IMMP2L: variants seen among roughly 807,000 people sequenced by gnomAD.
The protein encoded by IMMP2L is inner mitochondrial membrane peptidase subunit 2.
In IMMP2L, 18 loss-of-function variants were observed where a neutral mutation model predicts 19.3. That is an observed-to-expected ratio of 0.93 (90% CI 0.64 to 1.38). The LOEUF is 1.38. Among genes scored for constraint, IMMP2L ranks in the 40% most tolerant of loss-of-function variants. The pLI, the probability that IMMP2L is intolerant of heterozygous loss-of-function variation, is 0.00. For synonymous variants in IMMP2L, 76 were observed against 73.0 expected (o/e 1.04, Z -0.21); for missense variants, 233 against 218.2 (o/e 1.07, Z -0.43).
chr7:111,526,776 A>C (rs552779204), intron 1 of IMMP2L, among the ~76,000 whole-genome samples: 49 of 152,286 alleles, frequency 3.2e-4, no homozygotes, highest in Non-Finnish European at 6.8e-4. Flanking sequence ...CACAGAATGG[A>C]AACATGTCTT....
intron 5 of IMMP2L, among the ~76,000 whole-genome samples, chr7:110,763,082 G>C (rs184619516): frequency 1.1e-3 from 173 of 152,236 alleles, no homozygotes; most frequent in African/African-American, 3.9e-3. Flanking sequence ...CAGCAAAGGA[G>C]GAGGAGGAGG....
At chr7:111,301,880 T>C (rs954763199) in intron 3 of IMMP2L, among the ~76,000 whole-genome samples, 1 of 132,372 alleles carries the variant, frequency 7.6e-6, no homozygotes, top group Non-Finnish European at 1.5e-5. Context: ...CTTATCAAAA[T>C]GGTTTTTAAA....
chr7:110,698,782 C>T (rs1794058897), intron 5 of IMMP2L, among the ~76,000 whole-genome samples: 1 of 152,312 alleles, frequency 6.6e-6, no homozygotes, highest in Non-Finnish European at 1.5e-5. Context: ...ATCTTTCCAC[C>T]ACATCATTTG....
intron 5 of IMMP2L, among the ~76,000 whole-genome samples, chr7:110,725,997 G>T (rs925483053): frequency 6.6e-6 from 1 of 152,124 alleles, no homozygotes; most frequent in Admixed American, 6.5e-5. Flanking sequence ...CCATTCTACA[G>T]ATAAGAAAAT....
At chr7:110,891,589 A>G (rs1055155985) in intron 4 of IMMP2L, among the ~76,000 whole-genome samples, 3 of 152,208 alleles carry the variant, frequency 2.0e-5, no homozygotes, top group Admixed American at 6.5e-5. Flanking sequence ...GACTCCCACA[A>G]ACTTCAAATA....
At chr7:111,498,762 C>A (rs1270602939) in intron 2 of IMMP2L, among the ~76,000 whole-genome samples, 1 of 151,944 alleles carries the variant, frequency 6.6e-6, no homozygotes, top group Non-Finnish European at 1.5e-5. Context: ...CATTGTTGAA[C>A]CTGATGCTGC....
chr7:111,504,585 C>T (rs1844671190), intron 2 of IMMP2L, among the ~76,000 whole-genome samples: 1 of 152,098 alleles, frequency 6.6e-6, no homozygotes. Context: ...TACAAGGCTA[C>T]AGTAACCAAA....
At chr7:111,106,990 C>T (rs1798619804) in intron 3 of IMMP2L, among the ~76,000 whole-genome samples, 1 of 151,690 alleles carries the variant, frequency 6.6e-6, no homozygotes, top group Admixed American at 6.6e-5. Flanking sequence ...TATTAAAATG[C>T]AAAAACAATT....
intron 4 of IMMP2L, among the ~76,000 whole-genome samples, chr7:110,915,411 G>A (rs1813493810): frequency 7.1e-6 from 1 of 141,088 alleles, no homozygotes; most frequent in African/African-American, 2.6e-5. Flanking sequence ...ATCTAAAATA[G>A]TCAAATTCAT....
intron 3 of IMMP2L, among the ~76,000 whole-genome samples, chr7:111,137,876 G>A (rs1187487159): frequency 6.6e-6 from 1 of 152,200 alleles, no homozygotes; most frequent in Admixed American, 6.5e-5. Context: ...CCAGCCTGGA[G>A]TACAGTGACA....
At chr7:110,673,068 G>A (rs1252995765) in intron 5 of IMMP2L, among the ~76,000 whole-genome samples, 1 of 152,228 alleles carries the variant, frequency 6.6e-6, no homozygotes, top group Non-Finnish European at 1.5e-5. Context: ...CTTCATGAGA[G>A]CTCCCCATCT....
intron 5 of IMMP2L, among the ~76,000 whole-genome samples, chr7:110,876,926 A>G (rs1809137110): frequency 6.6e-6 from 1 of 152,184 alleles, no homozygotes; most frequent in Non-Finnish European, 1.5e-5. Context: ...GCCAGACATA[A>G]TCAGTCCTAA....
At chr7:110,732,082 T>A (rs1584646063) in intron 5 of IMMP2L, among the ~76,000 whole-genome samples, 1 of 151,836 alleles carries the variant, frequency 6.6e-6, no homozygotes, top group Non-Finnish European at 1.5e-5. Context: ...TGGGGCGGGG[T>A]TGGAGAAACT....
At chr7:110,805,786 A>G (rs1801590403) in intron 5 of IMMP2L, among the ~76,000 whole-genome samples, 1 of 152,060 alleles carries the variant, frequency 6.6e-6, no homozygotes, top group Non-Finnish European at 1.5e-5. Context: ...CTTGTCTTAT[A>G]CATGGCTTTT....
chr7:111,093,618 G>T (rs937960119), intron 3 of IMMP2L, among the ~76,000 whole-genome samples: 1 of 152,118 alleles, frequency 6.6e-6, no homozygotes, highest in South Asian at 2.1e-4. Context: ...TTTAACCTTA[G>T]TAAAGCTCAC....
chr7:110,900,424 G>A (rs1032565389), intron 4 of IMMP2L, among the ~76,000 whole-genome samples: 2 of 152,178 alleles, frequency 1.3e-5, no homozygotes, highest in Middle Eastern at 3.4e-3. Context: ...CCTCCTTAGC[G>A]TCCATGCTGG....
At chr7:111,364,997 T>C (rs1829635197) in intron 3 of IMMP2L, among the ~76,000 whole-genome samples, 2 of 151,730 alleles carry the variant, frequency 1.3e-5, no homozygotes, top group African/African-American at 2.4e-5. Flanking sequence ...AAACATTATA[T>C]ACATAAGTAA....
chr7:111,253,004 A>G (rs1454798630), intron 3 of IMMP2L, among the ~76,000 whole-genome samples: 2 of 152,162 alleles, frequency 1.3e-5, no homozygotes, highest in Admixed American at 6.5e-5. Flanking sequence ...ATGTTCATAG[A>G]TTTTACCAAT....
chr7:110,946,008 T>C (rs1411545455), intron 4 of IMMP2L, among the ~76,000 whole-genome samples: 1 of 152,144 alleles, frequency 6.6e-6, no homozygotes, highest in African/African-American at 2.4e-5. Flanking sequence ...ATTTTATACC[T>C]GATTAAACCA....
Sources: gnomAD v4.1 joint callset for allele counts (sites outside exome capture counted in the v4.1 genomes callset) on GRCh38, gnomAD v4.1.1 for gene constraint, MANE v1.5 for transcripts, NCBI Gene and HGNC (gene_info 2026-07-23, HGNC 2026-07-21) for gene names.